The following NRG1 variants were observed in gnomAD, a reference collection of about 807,000 sequenced individuals.
The protein encoded by NRG1 is pro-neuregulin-1, membrane-bound isoform.
Under a neutral mutation model 63.8 loss-of-function variants are expected in NRG1, and 18 were observed. The observed-to-expected ratio is 0.28, with a 90% CI of 0.19 to 0.42. NRG1 has a LOEUF of 0.42. Ranked by LOEUF, NRG1 falls within the 10% of genes least tolerant of loss-of-function variation. NRG1 has a pLI of 1.00. For synonymous variants in NRG1, 302 were observed against 301.3 expected, an observed-to-expected ratio of 1.00 and a Z score of -0.02; for missense variants, 762 against 814.7, an observed-to-expected ratio of 0.94 and a Z score of 0.79.
chr8:32,336,297 A>G (rs1803255290), intron 1 of NRG1, among the ~76,000 whole-genome samples: 1 of 152,182 alleles, frequency 6.6e-6, no homozygotes, highest in South Asian at 2.1e-4. Flanking sequence ...AAGGAAGATC[A>G]TTTCCAGCCG....
intron 1 of NRG1, among the ~76,000 whole-genome samples, chr8:32,498,034 C>T (rs1002148465): frequency 3.9e-5 from 6 of 152,070 alleles, no homozygotes; most frequent in African/African-American, 1.4e-4. Context: ...TGTTGGTCAG[C>T]CTAGTCTCGA....
intron 1 of NRG1, among the ~76,000 whole-genome samples, chr8:32,400,185 A>G (rs1381956137): frequency 1.3e-5 from 2 of 152,214 alleles, no homozygotes; most frequent in Admixed American, 6.5e-5. Flanking sequence ...CGCTTCAAAT[A>G]TCTATGTAGA....
At chr8:32,070,788 G>A (rs1237755626) in intron 1 of NRG1, among the ~76,000 whole-genome samples, 2 of 152,158 alleles carry the variant, frequency 1.3e-5, no homozygotes, top group South Asian at 2.1e-4. Flanking sequence ...GACCATAAGG[G>A]CCTCTTGCTT....
At chr8:32,491,083 C>G (rs927039028) in intron 1 of NRG1, among the ~76,000 whole-genome samples, 1 of 152,104 alleles carries the variant, frequency 6.6e-6, no homozygotes, top group South Asian at 2.1e-4. Flanking sequence ...ATTACGGTTC[C>G]TAAATAATCT....
At chr8:31,937,520 C>T (rs907634213) in intron 1 of NRG1, among the ~76,000 whole-genome samples, 4 of 151,904 alleles carry the variant, frequency 2.6e-5, no homozygotes, top group Non-Finnish European at 5.9e-5. Context: ...ATCCACAGAC[C>T]CTTTGAGGGA....
intron 1 of NRG1, among the ~76,000 whole-genome samples, chr8:32,427,728 T>C (rs938256993): frequency 6.6e-6 from 1 of 152,194 alleles, no homozygotes; most frequent in Non-Finnish European, 1.5e-5. Flanking sequence ...ATCAAATGAT[T>C]CTAAGATTGT....
chr8:32,673,277 AG>A (rs1472379233), intron 5 of NRG1, among the ~76,000 whole-genome samples: 8 of 152,364 alleles, frequency 5.3e-5, no homozygotes, highest in Admixed American at 1.3e-4. Flanking sequence ...ATGTAATAAT[AG>A]AAATGGCACT....
chr8:32,695,374 A>T (rs934513405), intron 5 of NRG1, among the ~76,000 whole-genome samples: 1 of 150,386 alleles, frequency 6.6e-6, no homozygotes, highest in African/African-American at 2.4e-5. Context: ...AGAGAGGGTG[A>T]GAGAGAGAGA....
chr8:32,304,632 T>C (rs1462592506), intron 1 of NRG1, among the ~76,000 whole-genome samples: 2 of 152,166 alleles, frequency 1.3e-5, no homozygotes, highest in African/African-American at 4.8e-5. Context: ...ATATTTAATA[T>C]AAATAATTGA....
chr8:32,105,618 T>C (rs1188914984), intron 1 of NRG1, among the ~76,000 whole-genome samples: 1 of 152,104 alleles, frequency 6.6e-6, no homozygotes, highest in African/African-American at 2.4e-5. Context: ...TACAGTACTA[T>C]AGCAGTTGAA....
At chr8:32,448,986 CG>C (rs1205064345) in intron 1 of NRG1, among the ~76,000 whole-genome samples, 4 of 151,974 alleles carry the variant, frequency 2.6e-5, no homozygotes, top group African/African-American at 9.7e-5. Context: ...TGGAGGAAAG[CG>C]GTGTTTAAAA....
At chr8:31,699,711 T>TTA (rs397797303) in intron 1 of NRG1, among the ~76,000 whole-genome samples, 1 of 151,366 alleles carries the variant, frequency 6.6e-6, no homozygotes, top group African/African-American at 2.4e-5. Flanking sequence ...TTCCTTTTTT[T>TTA]AAAAAAAAAA....
At chr8:31,639,574 C>T in intron 1 of NRG1, 2 of 1,432,944 alleles carry the variant, frequency 1.4e-6, no homozygotes, top group African/African-American at 1.4e-5. Context: ...GCCGCAGCAT[C>T]ACTTCACACA....
intron 5 of NRG1, among the ~76,000 whole-genome samples, chr8:32,688,449 A>G (rs1034140355): frequency 6.6e-6 from 1 of 152,124 alleles, no homozygotes; most frequent in Non-Finnish European, 1.5e-5. Context: ...AATGTGCCTA[A>G]TTTTTCTTAT....
intron 5 of NRG1, among the ~76,000 whole-genome samples, chr8:32,676,594 T>G (rs1807176448): frequency 6.6e-6 from 1 of 152,202 alleles, no homozygotes; most frequent in African/African-American, 2.4e-5. Flanking sequence ...CTGTGAAGGT[T>G]AAATGAGATG....
chr8:32,070,254 A>G (rs1201119133), intron 1 of NRG1, among the ~76,000 whole-genome samples: 1 of 152,190 alleles, frequency 6.6e-6, no homozygotes, highest in East Asian at 1.9e-4. Context: ...TTCAAGCCAA[A>G]CGGAACTGGA....
At chr8:32,618,587 A>G (rs1049320113) in intron 5 of NRG1, among the ~76,000 whole-genome samples, 10 of 152,216 alleles carry the variant, frequency 6.6e-5, no homozygotes, top group South Asian at 2.1e-4. Context: ...TTTGTGTACC[A>G]TGATATTAAA....
At chr8:32,029,596 C>T (rs1231159113) in intron 1 of NRG1, 1 of 152,184 alleles carries the variant, frequency 6.6e-6, no homozygotes, top group Non-Finnish European at 1.5e-5. Context: ...TGATACTTTA[C>T]TATTTGTTAC....
chr8:32,159,257 G>T (rs571055188), intron 1 of NRG1, among the ~76,000 whole-genome samples: 1 of 152,262 alleles, frequency 6.6e-6, no homozygotes, highest in East Asian at 1.9e-4. Context: ...AGGCTTGGCC[G>T]GGCGCGGTGG....
Sources: allele counts gnomAD v4.1 joint callset (sites outside exome capture counted in the v4.1 genomes callset), GRCh38; gene constraint gnomAD v4.1.1; transcripts MANE v1.5; gene names NCBI Gene and HGNC (gene_info 2026-07-23, HGNC 2026-07-21).